SGSM2: variants seen among roughly 807,000 people sequenced by gnomAD.
The protein encoded by SGSM2 is RUN and TBC1 domain containing 1.
A neutral mutation model predicts 126.6 loss-of-function variants in SGSM2; 89 were observed. The observed-to-expected ratio is 0.70, with a 90% confidence interval of 0.59 to 0.84. The LOEUF is 0.84. Among genes scored for constraint, SGSM2 ranks in the 40% least tolerant of loss-of-function variants. The pLI is 0.00. For synonymous variants in SGSM2, 614 were observed against 574.3 expected (o/e 1.07, Z -0.99); for missense variants, 1,404 against 1,416.6 (o/e 0.99, Z 0.14).
chr17:2,369,911 A>T (rs1191179408), intron 12 of SGSM2, among the ~76,000 whole-genome samples: 1 of 151,822 alleles, frequency 6.6e-6, no homozygotes, highest in Non-Finnish European at 1.5e-5. Context: ...CCTCCTCACC[A>T]CGCGTGTTCC....
chr17:2,349,123 C>T (rs2064735555), intron 2 of SGSM2, among the ~76,000 whole-genome samples: 1 of 151,942 alleles, frequency 6.6e-6, no homozygotes, highest in South Asian at 2.1e-4. Flanking sequence ...CGCCTGCAAT[C>T]CCAGCACTTT....
Position 2,363,905 on chromosome 17 carries a change from T to C in SGSM2, c.808-154T>C. ...CAGGCTGACCAGGGAAACTGAGTCC[T>C]GTTTTCCTGTGCTTCTGCCCCGTCC... On this transcript the variant is annotated intron_variant, in intron 7 of 23. Transcript: ENST00000268989. This position sits in a 1 kb window ranked among gnomAD's most constrained non-coding sequence, Gnocchi z 4.2. 1.1e-6 allele frequency: 1 copy of C among 905,240 alleles called. No homozygotes were observed. The highest frequency in any genetic ancestry group is 1.7e-6 in the Non-Finnish European group (1 of 596,830). 56.1% of individuals were successfully genotyped at this position (905,240 alleles called of 1,614,324 possible).
In SGSM2 at chr17:2,375,843, G is replaced by A. The variant is rs2066113855; in HGVS notation, c.2452G>A (p.Glu818Lys). The A allele has an allele frequency of 4.4e-5, 67 of 1,534,356 alleles. No homozygotes were observed. The highest frequency in any genetic ancestry group is 5.9e-5 in the Non-Finnish European group (67 of 1,145,092). Reference protein sequence around the residue: ...PQAGELEAGEELAAVCAAAYT... With the variant: ...PQAGELEAGEKLAAVCAAAYT... ...GGCCGGAGAACTGGAGGCCGGAGAG[G>A]AGCTTGCGGCTGTGTGTGCGGCTGC... Residue 818 changes from glutamate (E) to lysine (K), a missense_variant, in exon 18 of 24, where the codon GAG becomes AAG. Physicochemically the swap from Glu to Lys is moderately conservative, Grantham distance 56. Transcript: ENST00000268989.
In SGSM2 at chr17:2,372,898, G is replaced by C; in HGVS notation, c.1789-55G>C. Reference sequence around the variant, plus strand: ...TTCTCCGTGGGATGGGGCTCACCCAGCTGGGCCACGGTGACTGTGGAGGCT... The same window carrying C: ...TTCTCCGTGGGATGGGGCTCACCCACCTGGGCCACGGTGACTGTGGAGGCT... On this transcript the variant is annotated intron_variant, in intron 15 of 23. Transcript: ENST00000268989. This position sits in a 1 kb window ranked among gnomAD's most constrained non-coding sequence, Gnocchi z 6.0. 1 of 1,540,710 alleles carries C rather than the reference G, an allele frequency of 6.5e-7. No homozygotes were observed. The highest frequency in any genetic ancestry group is 8.8e-7 in the Non-Finnish European group (1 of 1,140,788).
Position 2,362,121 on chromosome 17 carries a change from G to A in SGSM2, c.309G>A (p.Gly103=). The A allele has an allele frequency of 6.2e-7, 1 of 1,612,518 alleles. No individual in the cohort carries two copies. The highest frequency in any genetic ancestry group is 8.5e-7 in the Non-Finnish European group (1 of 1,179,578). The change falls in exon 4 of 24, where the codon GGG becomes GGA. Residue 103 remains glycine (G), a synonymous_variant. Transcript: ENST00000268989. This position sits in a 1 kb window ranked among gnomAD's most constrained non-coding sequence, Gnocchi z 4.9. ...QQQAEGRKPS[G]VSQEALRRQG... ...CCCGCCTTTGCAGGAAACCCTCAGGGGTCAGCCAGGAGGCCCTGCGGAGAC... is the reference window on the plus strand; with the variant it reads ...CCCGCCTTTGCAGGAAACCCTCAGGAGTCAGCCAGGAGGCCCTGCGGAGAC...
At chr17:2,345,653 TA>T (rs755734998) in intron 2 of SGSM2, among the ~76,000 whole-genome samples, 2 of 150,176 alleles carry the variant, frequency 1.3e-5, no homozygotes, top group South Asian at 2.1e-4. Context: ...AATTCCCATT[TA>T]AAAAAAAATT....
chr17:2,369,506 G>C (rs2065761181), intron 12 of SGSM2, among the ~76,000 whole-genome samples: 1 of 152,122 alleles, frequency 6.6e-6, no homozygotes, highest in Admixed American at 6.5e-5. Flanking sequence ...CGTCCAGCCT[G>C]TGCCCTCACC....
intron 12 of SGSM2, among the ~76,000 whole-genome samples, chr17:2,370,105 C>T (rs955623685): frequency 5.3e-5 from 8 of 152,366 alleles, no homozygotes; most frequent in African/African-American, 1.4e-4. Context: ...GCCAGGCCCA[C>T]GCCTGCGGCA....
intron 2 of SGSM2, among the ~76,000 whole-genome samples, chr17:2,346,962 G>A (rs980956467): frequency 6.6e-6 from 1 of 152,030 alleles, no homozygotes; most frequent in Non-Finnish European, 1.5e-5. Context: ...GGTGGTGCAC[G>A]CCTGTAGTCC....
At chr17:2,366,473 A>G (rs2065590439) in intron 11 of SGSM2, 1 of 152,176 alleles carries the variant, frequency 6.6e-6, no homozygotes, top group Non-Finnish European at 1.5e-5. Context: ...TGTATTAGGG[A>G]CCGGACTGCC....
chr17:2,368,042 C>G (rs2065677733), intron 12 of SGSM2, among the ~76,000 whole-genome samples: 1 of 152,168 alleles, frequency 6.6e-6, no homozygotes, highest in Non-Finnish European at 1.5e-5. Flanking sequence ...AACTCCCGCC[C>G]CAGATATGCC....
chr17:2,371,786 A>G (rs1028173015), intron 13 of SGSM2: 1 of 377,260 alleles, frequency 2.7e-6, no homozygotes, highest in African/African-American at 2.1e-5. Context: ...CAGGCCGTCC[A>G]CCTGAGGACA....
intron 1 of SGSM2, among the ~76,000 whole-genome samples, chr17:2,342,697 A>G (rs1481529706): frequency 6.6e-6 from 1 of 152,026 alleles, no homozygotes; most frequent in Non-Finnish European, 1.5e-5. Flanking sequence ...TAAAGAAATG[A>G]CTGAGCACAG....
chr17:2,358,088 C>T (rs1260339008), intron 2 of SGSM2, among the ~76,000 whole-genome samples: 1 of 152,198 alleles, frequency 6.6e-6, no homozygotes, highest in African/African-American at 2.4e-5. Flanking sequence ...CAAGTATCTC[C>T]TGCCACCACC....
rs1045723914 is a variant in SGSM2 at position 2,357,063 on chromosome 17, A to C, written c.134-4574A>C. Reference sequence around the variant, plus strand: ...GATTCCATCAGCATCTGTGGTCTCCAGCCGTGTGTAGCATTTGTTAGGCTG... The same window carrying C: ...GATTCCATCAGCATCTGTGGTCTCCCGCCGTGTGTAGCATTTGTTAGGCTG... On this transcript the variant is annotated intron_variant, in intron 2 of 23. Coordinates refer to ENST00000268989, the MANE Select transcript of SGSM2 (RefSeq NM_014853.3). Among the ~76,000 whole-genome samples, 39 of 152,200 alleles carry C rather than the reference A, an allele frequency of 2.6e-4. No individual in the cohort carries two copies. In the Middle Eastern group the frequency reaches 0.01, roughly 40 times the overall value.
intron 17 of SGSM2, 92 bp from the exon 18 acceptor site, chr17:2,375,400 T>G: frequency 6.8e-7 from 1 of 1,478,964 alleles, no homozygotes; most frequent in Non-Finnish European, 9.0e-7. Context: ...TGTGAAGAGT[T>G]TTGCATTCCA....
intron 12 of SGSM2, among the ~76,000 whole-genome samples, chr17:2,368,643 C>T (rs919141696): frequency 3.9e-5 from 6 of 152,134 alleles, no homozygotes; most frequent in East Asian, 1.9e-4. Flanking sequence ...TACTGCCAGG[C>T]GCCTGCCCTC....
chr17:2,363,712 G>T lies in SGSM2; in HGVS notation c.807+113G>T. ...GGAGCTTGACCAGAGACGGGGGGGA[G>T]AATGGCCCCAGCCTCCCAACTCCCT... On this transcript the variant is annotated intron_variant, in intron 7 of 23. Transcript: ENST00000268989. The surrounding 1 kb of genome is among the most constrained non-coding windows in gnomAD (Gnocchi z 4.2). 7.0e-7 allele frequency: 1 copy of T among 1,429,128 alleles called. No individual in the cohort carries two copies. The highest frequency in any genetic ancestry group is 9.4e-7 in the Non-Finnish European group (1 of 1,058,244). The allele number at this position is 1,429,128 out of a possible 1,614,324, so 88.5% of individuals were successfully genotyped here.
rs1343338611 is a variant in SGSM2, at chr17:2,370,226, C to T, written c.1424-1036C>T. ...CTGTTCTTCCGAACTCTTCTCCACT[C>T]TCTCCCTCCCTCCCGGCATCACCCC... On this transcript the variant is annotated intron_variant, in intron 12 of 23. Transcript: ENST00000268989. Among the ~76,000 whole-genome samples, 3 of 152,378 alleles carry T rather than the reference C, an allele frequency of 2.0e-5. No individual in the cohort carries two copies. In the East Asian group the frequency reaches 5.8e-4, roughly 29 times the overall value.
Sources: gnomAD v4.1 joint callset for allele counts (sites outside exome capture counted in the v4.1 genomes callset) on GRCh38, gnomAD v4.1.1 for gene constraint, Gnocchi (gnomAD v3.1) non-coding constraint, MANE v1.5 for transcripts, NCBI Gene and HGNC (gene_info 2026-07-23, HGNC 2026-07-21) for gene names.